Variants in ABCG1 observed in about 807,000 individuals in gnomAD.
ABCG1 encodes ATP binding cassette subfamily G member 1.
Under a neutral mutation model 69.2 loss-of-function variants are expected in ABCG1, and 29 were observed. That is an observed-to-expected ratio of 0.42 (90% CI 0.31 to 0.57). ABCG1 has a LOEUF of 0.57. Among genes scored for constraint, ABCG1 ranks in the 20% least tolerant of loss-of-function variants. The pLI is 0.15. For synonymous variants in ABCG1, 370 were observed against 374.8 expected (o/e 0.99, Z 0.15); for missense variants, 718 against 898.1 (o/e 0.80, Z 2.56).
At position 42,291,647 on chromosome 21, in the gene ABCG1, G is replaced by T. The variant is rs372146956; in HGVS notation, c.1644G>T (p.Thr548=). The part of the protein sequence containing the change: ...SLGLLIGAAS[T]SLQVATFVGP... Reference sequence around the variant, plus strand: ...GCCTGCTGATCGGAGCCGCCTCCACGTCCCTGCAGGTGCCAGCCCAGGAGG... The same window carrying T: ...GCCTGCTGATCGGAGCCGCCTCCACTTCCCTGCAGGTGCCAGCCCAGGAGG... The change falls in exon 13 of 15, where the codon ACG becomes ACT. Residue 548 remains threonine (T), a synonymous_variant. Coordinates refer to ENST00000398449, the MANE Select transcript of ABCG1 (RefSeq NM_016818.3). This position sits in a 1 kb window ranked among gnomAD's most constrained non-coding sequence, Gnocchi z 6.4. 1.9e-6 allele frequency: 3 copies of T among 1,601,670 alleles called. No individual in the cohort carries two copies. The highest frequency in any genetic ancestry group is 2.5e-6 in the Non-Finnish European group (3 of 1,178,786).
At chr21:42,229,422 G>A (rs2067868507) in intron 2 of ABCG1, among the ~76,000 whole-genome samples, 1 of 152,170 alleles carries the variant, frequency 6.6e-6, no homozygotes, top group African/African-American at 2.4e-5. Flanking sequence ...AAGCAGTTTT[G>A]AAAGTGCCTG....
At position 42,288,351 on chromosome 21, in the gene ABCG1, C is replaced by T. The variant is rs775366584; in HGVS notation, c.1224+39C>T. The T allele has an allele frequency of 1.2e-5, 18 of 1,494,730 alleles. No homozygotes were observed. The Middle Eastern group carries it at 1.5e-3, about 128-fold the overall frequency. The allele number at this position is 1,494,730 out of a possible 1,614,324, so 92.6% of individuals were successfully genotyped here. ...CATCTTCTCCTGTAGCTGGGGAACC[C>T]GTGGGTCATTTTCTCAGACTCGTCC... On this transcript the variant is annotated intron_variant, in intron 10 of 14. Transcript: ENST00000398449. This position sits in a 1 kb window ranked among gnomAD's most constrained non-coding sequence, Gnocchi z 4.8.
rs181585333 is a variant in ABCG1, at chr21:42,253,038, G to A, written c.287-18032G>A. ...CCCAGTCTCGGCACGCCTGGATGCCGCATTAGCACACAGGGAGGGTCATGG... is the reference window on the plus strand; with the variant it reads ...CCCAGTCTCGGCACGCCTGGATGCCACATTAGCACACAGGGAGGGTCATGG... On this transcript the variant is annotated intron_variant, in intron 2 of 14. Coordinates refer to ENST00000398449, the MANE Select transcript of ABCG1 (RefSeq NM_016818.3). Among the ~76,000 whole-genome samples the A allele has an allele frequency of 1.6e-3, 238 of 152,262 alleles. 2 individuals carry two copies. Among genetic ancestry groups the A allele is most frequent in the Middle Eastern group, 3.4e-3 (1 of 294 alleles).
rs556112343 is a variant in ABCG1 at position 42,288,925 on chromosome 21, G to T, written c.1224+613G>T. On this transcript the variant is annotated intron_variant, in intron 10 of 14. Coordinates refer to ENST00000398449, the MANE Select transcript of ABCG1 (RefSeq NM_016818.3). The surrounding 1 kb of genome is among the most constrained non-coding windows in gnomAD (Gnocchi z 4.8). Reference sequence around the variant, plus strand: ...TTCAATCATGGTGGAAGGCAAAGTGGGATGGAGCGCTACACACTTTTAAAC... The same window carrying T: ...TTCAATCATGGTGGAAGGCAAAGTGTGATGGAGCGCTACACACTTTTAAAC... 6.6e-6 allele frequency among the ~76,000 whole-genome samples: 1 copy of T among 152,234 alleles called. No individual in the cohort carries two copies. The highest frequency in any genetic ancestry group is 1.9e-4 in the East Asian group (1 of 5,182).
intron 2 of ABCG1, among the ~76,000 whole-genome samples, chr21:42,259,725 A>G (rs1409572014): frequency 1.3e-5 from 2 of 152,354 alleles, no homozygotes; most frequent in East Asian, 3.9e-4. Flanking sequence ...ATGGGAGTAT[A>G]CTTGAGGGAA....
At chr21:42,203,291 C>G (rs1386292717) in intron 2 of ABCG1, among the ~76,000 whole-genome samples, 1 of 152,188 alleles carries the variant, frequency 6.6e-6, no homozygotes, top group Non-Finnish European at 1.5e-5. Context: ...GGGTCTTTCT[C>G]AGAGTCAACA....
chr21:42,249,696 T>C (rs2068188327), intron 2 of ABCG1, among the ~76,000 whole-genome samples: 3 of 151,664 alleles, frequency 2.0e-5, no homozygotes, highest in South Asian at 4.2e-4. Context: ...AAAAAGACGG[T>C]ATGGAGCTGT....
intron 2 of ABCG1, chr21:42,260,049 G>A: frequency 2.6e-6 from 4 of 1,550,550 alleles, no homozygotes; most frequent in Non-Finnish European, 3.5e-6. Context: ...TCACCTGGGG[G>A]TGGTCGCTAT....
At chr21:42,290,874 G>C (rs1284703803) in intron 11 of ABCG1, among the ~76,000 whole-genome samples, 1 of 152,152 alleles carries the variant, frequency 6.6e-6, no homozygotes, top group African/African-American at 2.4e-5. Context: ...TCACAGACAT[G>C]CTCCCCATCC....
At chr21:42,241,222 T>C (rs1569214626) in intron 2 of ABCG1, among the ~76,000 whole-genome samples, 1 of 152,236 alleles carries the variant, frequency 6.6e-6, no homozygotes, top group Non-Finnish European at 1.5e-5. Context: ...CATCCATTTA[T>C]CGTAAAAGCC....
intron 2 of ABCG1, among the ~76,000 whole-genome samples, chr21:42,253,811 TGTGCCTCCTTGGGGTCTGA>T (rs1483369965): frequency 1.3e-5 from 2 of 151,986 alleles, no homozygotes; most frequent in Non-Finnish European, 2.9e-5. Flanking sequence ...GGAGGTCGTG[TGTGCCTCCTTGGGGTCTGA>T]GTGCCTCCTT....
intron 2 of ABCG1, chr21:42,259,845 A>C: frequency 1.4e-6 from 2 of 1,390,098 alleles, no homozygotes; most frequent in Non-Finnish European, 1.9e-6. Context: ...AAGAAAGGAA[A>C]AGAGCAGGGG....
chr21:42,232,021 G>A (rs541626748), intron 2 of ABCG1, among the ~76,000 whole-genome samples: 1 of 152,270 alleles, frequency 6.6e-6, no homozygotes, highest in Non-Finnish European at 1.5e-5. Flanking sequence ...TCCCCGCTGG[G>A]GCCAGTTCCT....
intron 2 of ABCG1, among the ~76,000 whole-genome samples, chr21:42,228,072 C>CT (rs2067845312): frequency 6.6e-6 from 1 of 152,186 alleles, no homozygotes; most frequent in South Asian, 2.1e-4. Flanking sequence ...CCTATATTCT[C>CT]TAAGTGTTTA....
At chr21:42,225,028 G>A (rs1400930352) in intron 1 of ABCG1, among the ~76,000 whole-genome samples, 2 of 151,362 alleles carry the variant, frequency 1.3e-5, no homozygotes, top group African/African-American at 4.9e-5. Context: ...TCCTTAAATT[G>A]TCTATATCTC....
chr21:42,260,034 C>T lies in ABCG1; in HGVS notation c.287-11036C>T, dbSNP rs183398244. 870 of 1,549,496 alleles carry T rather than the reference C, an allele frequency of 5.6e-4. 7 individuals carry two copies. In the African/African-American group the frequency reaches 0.011, roughly 19 times the overall value. On this transcript the variant is annotated intron_variant, in intron 2 of 14. Coordinates refer to ENST00000398449, the MANE Select transcript of ABCG1 (RefSeq NM_016818.3). ...GTGGTCAGTCCAAGTCCAGGGAGGG[C>T]CCCATCACCTGGGGGTGGTCGCTAT...
At chr21:42,229,681 T>C (rs1293999959) in intron 2 of ABCG1, among the ~76,000 whole-genome samples, 1 of 151,936 alleles carries the variant, frequency 6.6e-6, no homozygotes, top group African/African-American at 2.4e-5. Flanking sequence ...GATCGTACCA[T>C]TGTACTCCAG....
At chr21:42,228,188 C>T (rs1033987880) in intron 2 of ABCG1, among the ~76,000 whole-genome samples, 3 of 152,166 alleles carry the variant, frequency 2.0e-5, no homozygotes, top group African/African-American at 7.2e-5. Flanking sequence ...GGGGTGGCCA[C>T]CAGATAGAGA....
At chr21:42,213,150 C>G (rs2067606085), upstream of ABCG1, among the ~76,000 whole-genome samples, 2 of 152,246 alleles carry the variant, frequency 1.3e-5, no homozygotes, top group Admixed American at 1.3e-4. Context: ...AAGCCAGGTG[C>G]TGTGCATGAA....
Sources: gnomAD v4.1 joint callset for allele counts (sites outside exome capture counted in the v4.1 genomes callset) on GRCh38, gnomAD v4.1.1 for gene constraint, Gnocchi (gnomAD v3.1) non-coding constraint, MANE v1.5 for transcripts, NCBI Gene and HGNC (gene_info 2026-07-23, HGNC 2026-07-21) for gene names.